The following COA1 variants were observed in gnomAD, a reference collection of about 807,000 sequenced individuals.
COA1 encodes cytochrome c oxidase assembly factor 1 homolog.
COA1 carries 13 observed loss-of-function variants against 16.0 expected under a neutral mutation model. The ratio of observed to expected loss-of-function variants is 0.81; its 90% CI spans 0.53 to 1.29. COA1 has a LOEUF of 1.29. COA1 is among the 50% of genes most tolerant of loss of function. The pLI is 0.00. For synonymous variants in COA1, 65 were observed against 65.7 expected, an observed-to-expected ratio of 0.99 and a Z score of 0.05; for missense variants, 179 against 177.0, an observed-to-expected ratio of 1.01 and a Z score of -0.06.
At chr7:43,692,281 G>A (rs1563389358) in intron 1 of COA1, among the ~76,000 whole-genome samples, 1 of 152,146 alleles carries the variant, frequency 6.6e-6, no homozygotes, top group Non-Finnish European at 1.5e-5. Context: ...CACTCTAAGA[G>A]GCCGAGGCAG....
At chr7:43,660,871 T>A (rs1458646151) in intron 1 of COA1, among the ~76,000 whole-genome samples, 1 of 152,220 alleles carries the variant, frequency 6.6e-6, no homozygotes, top group African/African-American at 2.4e-5. Flanking sequence ...ATCCCATTCT[T>A]CAATGGCTCC....
chr7:43,685,808 T>C (rs1370074626), intron 1 of COA1, among the ~76,000 whole-genome samples: 1 of 152,202 alleles, frequency 6.6e-6, no homozygotes, highest in Non-Finnish European at 1.5e-5. Context: ...GGGTTATTAA[T>C]TGGGTTGTGA....
intron 1 of COA1, among the ~76,000 whole-genome samples, chr7:43,706,576 T>TA (rs1228186445): frequency 6.9e-6 from 1 of 144,876 alleles, no homozygotes; most frequent in Non-Finnish European, 1.5e-5. Context: ...AATAAAAAAA[T>TA]AAAAAAACCC....
intron 1 of COA1, among the ~76,000 whole-genome samples, chr7:43,672,773 CA>C (rs34219718): frequency 3.0e-3 from 303 of 100,772 alleles, no homozygotes; most frequent in East Asian, 7.5e-3. Flanking sequence ...CATCTCAAAC[CA>C]AAAAAAAAAA....
intron 1 of COA1, among the ~76,000 whole-genome samples, chr7:43,680,283 C>CAAAAAAAAA (rs552891478): frequency 1.4e-5 from 1 of 73,014 alleles, no homozygotes; most frequent in African/African-American, 5.0e-5. Flanking sequence ...GACAGGGAGA[C>CAAAAAAAAA]AAAAAAAAAA....
intron 1 of COA1, among the ~76,000 whole-genome samples, chr7:43,679,530 C>G (rs945186941): frequency 5.9e-5 from 9 of 152,154 alleles, no homozygotes; most frequent in Admixed American, 2.6e-4. Context: ...TAAAGGGGCA[C>G]ATCCTCACAG....
intron 1 of COA1, among the ~76,000 whole-genome samples, chr7:43,655,039 T>TCCAC (rs2091495211): frequency 6.6e-6 from 1 of 152,042 alleles, no homozygotes; most frequent in African/African-American, 2.4e-5. Flanking sequence ...TGAAAAAAAA[T>TCCAC]CCAAATTCCT....
At chr7:43,637,035 C>G (rs908501047), downstream of COA1, among the ~76,000 whole-genome samples, 1 of 152,250 alleles carries the variant, frequency 6.6e-6, no homozygotes, top group Non-Finnish European at 1.5e-5. Context: ...CAGCTCCCAT[C>G]TGCCCGCTCT....
At chr7:43,655,264 C>G (rs993388582) in intron 1 of COA1, among the ~76,000 whole-genome samples, 1 of 152,136 alleles carries the variant, frequency 6.6e-6, no homozygotes. Flanking sequence ...AGTACTAGTA[C>G]CCCATCTCTA....
At chr7:43,635,088 A>G (rs1475210014), downstream of COA1, among the ~76,000 whole-genome samples, 2 of 152,202 alleles carry the variant, frequency 1.3e-5, no homozygotes, top group Non-Finnish European at 2.9e-5. Context: ...ATTTTCTAAC[A>G]ATGTGGTCCT....
In COA1 at chr7:43,680,336, G is replaced by A. The variant is rs377265574; in HGVS notation, c.-38-31684C>T. Reference sequence around the variant, plus strand: ...GGAGGAGAGCATAAGAAATGTAAAGGGTATAAAAGAGGGCCCAAAACGTCT... The same window carrying A: ...GGAGGAGAGCATAAGAAATGTAAAGAGTATAAAAGAGGGCCCAAAACGTCT... On this transcript the variant is annotated intron_variant, in intron 1 of 5. Transcript: ENST00000223336. 2.7e-5 allele frequency among the ~76,000 whole-genome samples: 4 copies of A among 150,384 alleles called. No individual in the cohort carries two copies. The East Asian group carries it at 5.8e-4, about 22-fold the overall frequency.
chr7:43,707,439 C>G (rs861961), intron 1 of COA1, among the ~76,000 whole-genome samples: 125,722 of 152,090 alleles, frequency 0.83, 52,394 homozygotes, highest in African/African-American at 0.94. Context: ...TTAAAACAAA[C>G]CAAGCACCCA....
chr7:43,633,728 GTAAAACA>G (rs1476330858), intron 6 of COA1, among the ~76,000 whole-genome samples: 1 of 152,008 alleles, frequency 6.6e-6, no homozygotes, highest in African/African-American at 2.4e-5. Flanking sequence ...GTGTAATAAA[GTAAAACA>G]CAATGAAACT....
At chr7:43,623,605 T>C (rs1433380430) in intron 6 of COA1, 1 of 1,611,462 alleles carries the variant, frequency 6.2e-7, no homozygotes, top group African/African-American at 1.3e-5. Context: ...CCTATAAGCA[T>C]GGCAACAGAT....
intron 1 of COA1, among the ~76,000 whole-genome samples, chr7:43,728,034 GCGCAATCTCGGCTCAC>G (rs2095653848): frequency 1.3e-5 from 2 of 151,220 alleles, no homozygotes; most frequent in African/African-American, 4.9e-5. Context: ...GAGTGCAGTG[GCGCAATCTCGGCTCAC>G]TGCAAGCTCC....
rs530120629 is a variant in COA1, at chr7:43,622,639, G to A, written c.*134-13144C>T. The A allele has an allele frequency of 2.0e-5, 3 of 151,622 alleles. No homozygotes were observed. In the East Asian group the frequency reaches 5.8e-4, roughly 29 times the overall value. 9.4% of individuals were successfully genotyped at this position (151,622 alleles called of 1,614,324 possible). On this transcript the variant is annotated intron_variant and NMD_transcript_variant, in intron 6 of 6. Transcript: ENST00000415076. ...ATTTTTCCTGAATCCTTGCATATTT[G>A]ACAGTGTCTTTCTATTGTGTTTATG...
At chr7:43,701,660 T>C (rs781365862) in intron 1 of COA1, among the ~76,000 whole-genome samples, 1 of 152,192 alleles carries the variant, frequency 6.6e-6, no homozygotes, top group African/African-American at 2.4e-5. Context: ...AGTTGAGGAA[T>C]AGTCACAACT....
In COA1 at chr7:43,659,704, TCA is replaced by T. The variant is rs560416492; in HGVS notation, c.-38-11054_-38-11053del. Among the ~76,000 whole-genome samples, 677 of 152,176 alleles carry T rather than the reference TCA, an allele frequency of 4.4e-3. 3 individuals are homozygous for T. The highest frequency in any genetic ancestry group is 0.019 in the South Asian group (92 of 4,812). On this transcript the variant is annotated intron_variant, in intron 1 of 5. Coordinates refer to ENST00000223336, the MANE Select transcript of COA1 (RefSeq NM_018224.4). ...CCTCCCTAGAGTCCTCCCTTTATTC[TCA>T]CAGACTCAGGTGTTTGCTTTCTATT...
At chr7:43,653,457 T>C (rs542478247) in intron 1 of COA1, among the ~76,000 whole-genome samples, 18 of 152,166 alleles carry the variant, frequency 1.2e-4, no homozygotes, top group African/African-American at 4.3e-4. Flanking sequence ...TGAGTAAACA[T>C]GATAAAAGTT....
Sources: allele counts gnomAD v4.1 joint callset (sites outside exome capture counted in the v4.1 genomes callset), GRCh38; gene constraint gnomAD v4.1.1; transcripts MANE v1.5; gene names NCBI Gene and HGNC (gene_info 2026-07-23, HGNC 2026-07-21).